The following EXTL3 variants were observed in gnomAD, a reference collection of about 807,000 sequenced individuals.
EXTL3 encodes exostosin like glycosyltransferase 3, also known as exostosin-like 3.
EXTL3 carries 27 observed loss-of-function variants against 69.3 expected under a neutral mutation model. The observed-to-expected ratio is 0.39, with a 90% CI of 0.29 to 0.54. The LOEUF is 0.54. EXTL3 is among the 20% of genes least tolerant of loss of function. EXTL3 has a pLI of 0.69. For synonymous variants in EXTL3, 511 were observed against 499.4 expected, an observed-to-expected ratio of 1.02 and a Z score of -0.31; for missense variants, 1,003 against 1,231.8, an observed-to-expected ratio of 0.81 and a Z score of 2.78.
intron 3 of EXTL3, among the ~76,000 whole-genome samples, chr8:28,730,745 C>G (rs1801517909): frequency 6.6e-6 from 1 of 152,040 alleles, no homozygotes; most frequent in Non-Finnish European, 1.5e-5. Flanking sequence ...TAATCTCGAC[C>G]AGATGGGCTG....
intron 5 of EXTL3, chr8:28,741,925 G>T (rs1418173234): frequency 6.6e-6 from 1 of 152,156 alleles, no homozygotes; most frequent in Non-Finnish European, 1.5e-5. Context: ...ATGTTCATCA[G>T]TTAATCAGTT....
At position 28,717,074 on chromosome 8, in the gene EXTL3, C is replaced by A. The variant is rs747676107; in HGVS notation, c.1015C>A (p.Arg339=). 3.5e-5 allele frequency: 57 copies of A among 1,614,086 alleles called. No individual in the cohort carries two copies. The South Asian group carries it at 6.1e-4, about 17-fold the overall frequency. ...MEIPPQVPVK[R]KYLFTFQGEK... ...AATCCCACCACAGGTGCCGGTGAAG[C>A]GGAAATATCTCTTCACCTTCCAGGG... The change falls in exon 3 of 7, where the codon CGG becomes AGG. Residue 339 remains arginine, a synonymous_variant. Coordinates refer to ENST00000220562, the MANE Select transcript of EXTL3 (RefSeq NM_001440.4). This position sits in a 1 kb window ranked among gnomAD's most constrained non-coding sequence, Gnocchi z 8.3.
rs543523747 is a variant in EXTL3, at chr8:28,623,232, C to T, written c.-53+422C>T. Among the ~76,000 whole-genome samples, 14 of 152,270 alleles carry T rather than the reference C, an allele frequency of 9.2e-5. No homozygotes were observed. Among genetic ancestry groups the T allele is most frequent in the Non-Finnish European group, 1.8e-4 (12 of 68,018 alleles). On this transcript the variant is annotated intron_variant, in intron 1 of 6. Transcript: ENST00000523149. The surrounding 1 kb of genome is among the most constrained non-coding windows in gnomAD (Gnocchi z 4.2). The stretch of plus-strand genomic sequence containing the variant: ...GGGTAAGCGGCATCTGCCACGCGCC[C>T]GCCTCGCGCGCTGTCAGGAGGCGCT...
upstream of EXTL3, among the ~76,000 whole-genome samples, chr8:28,622,248 G>C (rs1296238140): frequency 6.6e-6 from 1 of 152,244 alleles, no homozygotes; most frequent in Non-Finnish European, 1.5e-5. Flanking sequence ...CTAAGCGGGA[G>C]GTAGCCCCGC....
chr8:28,725,522 G>A (rs1801394498), intron 3 of EXTL3, among the ~76,000 whole-genome samples: 1 of 152,148 alleles, frequency 6.6e-6, no homozygotes, highest in African/African-American at 2.4e-5. Flanking sequence ...AACTTCTCAA[G>A]TCTTTATTTC....
rs1213720404 is a variant in EXTL3, at chr8:28,751,726, T to C, written c.*860T>C. On this transcript the variant is annotated 3_prime_UTR_variant, in exon 7 of 7. Coordinates refer to ENST00000220562, the MANE Select transcript of EXTL3 (RefSeq NM_001440.4). ...TGAGGAAGCAAAGAGTGAGAAAGAA[T>C]AGGGGCTGAAGACGCCACTCCCAGA... 6.6e-6 allele frequency: 1 copy of C among 152,190 alleles called. No individual in the cohort carries two copies. Among genetic ancestry groups the C allele is most frequent in the Non-Finnish European group, 1.5e-5 (1 of 68,054 alleles). The allele number at this position is 152,190 out of a possible 1,614,324, so 9.4% of individuals were successfully genotyped here.
intron 1 of EXTL3, among the ~76,000 whole-genome samples, chr8:28,665,418 T>A (rs1345269572): frequency 7.4e-6 from 1 of 134,890 alleles, no homozygotes; most frequent in South Asian, 2.3e-4. Context: ...CTTGTTTACT[T>A]TTTTTTTTTT....
intron 3 of EXTL3, among the ~76,000 whole-genome samples, chr8:28,728,730 T>C (rs1236153677): frequency 6.6e-6 from 1 of 151,998 alleles, no homozygotes; most frequent in East Asian, 1.9e-4. Flanking sequence ...TACAAGTTTT[T>C]TTTGAAATTA....
chr8:28,645,104 T>C (rs1806807581), intron 1 of EXTL3, among the ~76,000 whole-genome samples: 1 of 152,212 alleles, frequency 6.6e-6, no homozygotes, highest in African/African-American at 2.4e-5. Flanking sequence ...AAGGGAATAA[T>C]AGAAGGAACT....
At chr8:28,706,369 A>G (rs1026389319) in intron 1 of EXTL3, among the ~76,000 whole-genome samples, 1 of 152,244 alleles carries the variant, frequency 6.6e-6, no homozygotes, top group African/African-American at 2.4e-5. Context: ...AGCATAGTTC[A>G]GAGTTGTACT....
chr8:28,641,503 G>T (rs1806741544), intron 1 of EXTL3, among the ~76,000 whole-genome samples: 1 of 152,150 alleles, frequency 6.6e-6, no homozygotes, highest in African/African-American at 2.4e-5. Flanking sequence ...TTTAAACGGA[G>T]TCTCACTCTT....
intron 1 of EXTL3, among the ~76,000 whole-genome samples, chr8:28,658,771 G>A (rs1228466926): frequency 1.3e-5 from 2 of 152,172 alleles, no homozygotes; most frequent in Non-Finnish European, 2.9e-5. Context: ...AGTAGAGATG[G>A]GGTTGTGTTG....
intron 3 of EXTL3, among the ~76,000 whole-genome samples, chr8:28,719,952 A>G (rs549925042): frequency 1.3e-5 from 2 of 152,352 alleles, no homozygotes; most frequent in East Asian, 1.9e-4. Flanking sequence ...AGCCCATCGC[A>G]ATAATACCTA....
At chr8:28,727,793 G>A (rs910565630) in intron 3 of EXTL3, among the ~76,000 whole-genome samples, 7 of 152,128 alleles carry the variant, frequency 4.6e-5, no homozygotes, top group Admixed American at 1.3e-4. Flanking sequence ...TCCCCCAGGG[G>A]CATGTTAAAA....
At chr8:28,690,255 C>G (rs1800592724) in intron 1 of EXTL3, among the ~76,000 whole-genome samples, 1 of 151,964 alleles carries the variant, frequency 6.6e-6, no homozygotes, top group Non-Finnish European at 1.5e-5. Flanking sequence ...CTCTGCTGCC[C>G]AGGCTGGATT....
intron 1 of EXTL3, among the ~76,000 whole-genome samples, chr8:28,696,029 A>C (rs1247905152): frequency 6.6e-6 from 1 of 151,686 alleles, no homozygotes; most frequent in Non-Finnish European, 1.5e-5. Context: ...CGATCCTCCC[A>C]CCTTACCCAC....
Position 28,710,609 on chromosome 8 carries a change from CTTTCT to C in EXTL3, c.-569-2844_-569-2840del. ...AGATTTTTTTTTTGTAGTTTTCTTT[CTTTCT>C]TTTTTTTTTTTTTTTTGAGGCAAGG... On this transcript the variant is annotated intron_variant, in intron 1 of 6. Coordinates refer to ENST00000220562, the MANE Select transcript of EXTL3 (RefSeq NM_001440.4). The C allele has an allele frequency of 4.4e-5, 12 of 272,042 alleles. No homozygotes were observed. In the East Asian group the frequency reaches 4.9e-4, roughly 11 times the overall value. The allele number at this position is 272,042 out of a possible 1,614,324, so 16.9% of individuals were successfully genotyped here. A position where few individuals can be genotyped will look rare whatever the true frequency, so the allele number is the denominator to read the frequency against.
At chr8:28,701,411 C>G (rs1429630748), upstream of EXTL3, 1 of 151,200 alleles carries the variant, frequency 6.6e-6, no homozygotes, top group Admixed American at 6.6e-5. Context: ...CGGACGCGGT[C>G]GGGAAAGTGG....
upstream of EXTL3, chr8:28,700,949 T>C (rs892280473): frequency 6.6e-6 from 1 of 152,274 alleles, no homozygotes; most frequent in East Asian, 1.9e-4. Flanking sequence ...TTGGTGATCA[T>C]CCCACACGAC....
Sources: allele counts gnomAD v4.1 joint callset (sites outside exome capture counted in the v4.1 genomes callset), GRCh38; gene constraint gnomAD v4.1.1; non-coding constraint Gnocchi (gnomAD v3.1); transcripts MANE v1.5; gene names NCBI Gene and HGNC (gene_info 2026-07-23, HGNC 2026-07-21).